Variants in AKAP8L observed in about 807,000 individuals in gnomAD.
AKAP8L encodes the protein A-kinase anchor protein 8-like.
AKAP8L carries 34 observed loss-of-function variants against 77.5 expected under a neutral mutation model. The ratio of observed to expected loss-of-function variants is 0.44; its 90% CI spans 0.33 to 0.58. The LOEUF (loss-of-function observed/expected upper bound fraction) is 0.58, where lower values mean the gene tolerates loss of function less well. Among genes scored for constraint, AKAP8L ranks in the 20% least tolerant of loss-of-function variants. The pLI, the probability that AKAP8L is intolerant of heterozygous loss-of-function variation, is 0.02. For synonymous variants in AKAP8L, 342 were observed against 340.7 expected, an observed-to-expected ratio of 1.00 and a Z score of -0.04; for missense variants, 806 against 887.6, an observed-to-expected ratio of 0.91 and a Z score of 1.17.
In AKAP8L at chr19:15,397,311, G is replaced by T. The variant is rs767806064; in HGVS notation, c.1406-31C>A. 6.2e-7 allele frequency: 1 copy of T among 1,613,020 alleles called. No homozygotes were observed. The highest frequency in any genetic ancestry group is 1.1e-5 in the South Asian group (1 of 91,060). On this transcript the variant is annotated intron_variant, in intron 11 of 13. Transcript: ENST00000397410. This position sits in a 1 kb window ranked among gnomAD's most constrained non-coding sequence, Gnocchi z 4.7. Reference sequence around the variant, plus strand: ...GTGGGGAGGAGGGAGTCACCACTGGGCCCAGGTGCCTAAGATAGACCCAGG... The same window carrying T: ...GTGGGGAGGAGGGAGTCACCACTGGTCCCAGGTGCCTAAGATAGACCCAGG...
At chr19:15,413,007 CT>C (rs1465891233) in intron 1 of AKAP8L, among the ~76,000 whole-genome samples, 4 of 152,254 alleles carry the variant, frequency 2.6e-5, no homozygotes, top group African/African-American at 7.2e-5. Context: ...TGCCTTCCCC[CT>C]GGGTAAGCGT....
At chr19:15,390,617 A>T (rs1967641153) in intron 12 of AKAP8L, among the ~76,000 whole-genome samples, 1 of 152,162 alleles carries the variant, frequency 6.6e-6, no homozygotes, top group African/African-American at 2.4e-5. Context: ...CCAGACAAAT[A>T]TATCACCAAA....
chr19:15,413,487 A>G (rs1968145439), intron 1 of AKAP8L, among the ~76,000 whole-genome samples: 1 of 152,176 alleles, frequency 6.6e-6, no homozygotes, highest in Non-Finnish European at 1.5e-5. Context: ...AACCGAGGGT[A>G]TACAGATCCA....
chr19:15,418,821 C>T (rs1785040466), intron 1 of AKAP8L, 90 bp downstream of exon 1: 2 of 1,393,092 alleles, frequency 1.4e-6, no homozygotes, highest in Admixed American at 3.7e-5. Flanking sequence ...TGACGGGGCC[C>T]CAGGGGAGGT....
At position 15,396,178 on chromosome 19, in the gene AKAP8L, T is replaced by C. The variant is rs80251276; in HGVS notation, c.1536+972A>G. 9.9e-3 allele frequency among the ~76,000 whole-genome samples: 1,507 copies of C among 151,966 alleles called. 22 individuals are homozygous for C. Among genetic ancestry groups the C allele is most frequent in the African/African-American group, 0.035 (1,460 of 41,440 alleles). On this transcript the variant is annotated intron_variant, in intron 12 of 13. Transcript: ENST00000397410. ...CACACCGAAAAAGACCAGAGAGGAA[T>C]TGTGATGAGCATGGAAGAAGATGGA...
rs1333297342 is a variant in AKAP8L, at chr19:15,403,487, G to A, written c.350C>T (p.Ser117Leu). Residue 117 changes from serine to leucine, a missense_variant, in exon 4 of 14, where the codon TCA becomes TTA. Transcript: ENST00000397410. The surrounding 1 kb of genome is among the most constrained non-coding windows in gnomAD (Gnocchi z 4.3). ...TDMMQGGVYG[S>L]GGERYDSYES... ...GGTGTCCACTCACCTTTCTCCACCTGAGCCGTACACGCCTCCTTGCATCAT... is the reference window on the plus strand; with the variant it reads ...GGTGTCCACTCACCTTTCTCCACCTAAGCCGTACACGCCTCCTTGCATCAT... 5 of 1,613,810 alleles carry A rather than the reference G, an allele frequency of 3.1e-6. No individual in the cohort carries two copies. Among genetic ancestry groups the A allele is most frequent in the East Asian group, 2.2e-5 (1 of 44,890 alleles).
intron 2 of AKAP8L, among the ~76,000 whole-genome samples, chr19:15,405,529 CAA>C (rs750339175): frequency 2.2e-5 from 3 of 138,014 alleles, no homozygotes. Context: ...AACTCCATTT[CAA>C]AAAAAAAAAA....
intron 12 of AKAP8L, among the ~76,000 whole-genome samples, chr19:15,396,248 A>G (rs1378926087): frequency 6.6e-6 from 1 of 152,078 alleles, no homozygotes; most frequent in Non-Finnish European, 1.5e-5. Context: ...ACATCTGTTC[A>G]TAAACCCCAC....
intron 7 of AKAP8L, 88 bp downstream of exon 7, chr19:15,400,706 C>A: frequency 6.8e-7 from 1 of 1,478,564 alleles, no homozygotes; most frequent in South Asian, 1.2e-5. Context: ...GCTGACACAG[C>A]ATTGCCTCTG....
rs534843065 is a variant in AKAP8L, at chr19:15,401,404, G to A, written c.562C>T (p.Arg188Trp). 7.4e-6 allele frequency: 12 copies of A among 1,613,120 alleles called. No homozygotes were observed. Among genetic ancestry groups the A allele is most frequent in the South Asian group, 4.4e-5 (4 of 91,074 alleles). Residue 188 changes from arginine (R) to tryptophan (W), a missense_variant, in exon 5 of 14, where the codon CGG becomes TGG. Arg to Trp is a moderately radical substitution (Grantham distance 101). Coordinates refer to ENST00000397410, the MANE Select transcript of AKAP8L (RefSeq NM_014371.4). The surrounding 1 kb of genome is among the most constrained non-coding windows in gnomAD (Gnocchi z 6.2). ...CCTGAGGCCATTGGCCGGCCGCTCC[G>A]GGCATCCCGGGCCCAGCCCTGTGCC... ...PRAQGWARDA[R>W]SGRPMASGYG...
intron 2 of AKAP8L, among the ~76,000 whole-genome samples, chr19:15,406,298 G>A (rs573366701): frequency 3.5e-5 from 5 of 143,740 alleles, no homozygotes; most frequent in Admixed American, 2.9e-4. Context: ...CTTTCTGAAA[G>A]AACACCCCAA....
Position 15,403,219 on chromosome 19 carries a change from T to G in AKAP8L, c.362+256A>C. 1 of 523,754 alleles carries G rather than the reference T, an allele frequency of 1.9e-6. No homozygotes were observed. The highest frequency in any genetic ancestry group is 3.5e-6 in the Non-Finnish European group (1 of 287,114). 32.4% of individuals were successfully genotyped at this position (523,754 alleles called of 1,614,324 possible). A position where few individuals can be genotyped will look rare whatever the true frequency, so the allele number is the denominator to read the frequency against. ...CTGTTTTTGAGGGCACAGTGAAGTC[T>G]GCCCAGTCTGGGCTTGTTCCTCTCA... is the stretch of plus-strand genomic sequence containing the variant. On this transcript the variant is annotated intron_variant, in intron 4 of 13. Transcript: ENST00000397410. This position sits in a 1 kb window ranked among gnomAD's most constrained non-coding sequence, Gnocchi z 4.3.
chr19:15,392,553 A>G (rs1455468012), intron 12 of AKAP8L, among the ~76,000 whole-genome samples: 1 of 152,068 alleles, frequency 6.6e-6, no homozygotes, highest in Non-Finnish European at 1.5e-5. Flanking sequence ...AAAAATATCA[A>G]GAAAACAATT....
At chr19:15,413,565 C>T (rs1229507243) in intron 1 of AKAP8L, among the ~76,000 whole-genome samples, 2 of 152,142 alleles carry the variant, frequency 1.3e-5, no homozygotes, top group East Asian at 3.9e-4. Context: ...GGGATCTGGA[C>T]CTTCCTGAGA....
Position 15,401,615 on chromosome 19 carries a change from T to C in AKAP8L, c.363-12A>G, listed in dbSNP as rs765491324. 10 of 1,558,348 alleles carry C rather than the reference T, an allele frequency of 6.4e-6. No homozygotes were observed. Among genetic ancestry groups the C allele is most frequent in the Non-Finnish European group, 8.7e-6 (10 of 1,151,768 alleles). ...CATAAGAGTCATACCTGCAGAGGCA[T>C]GGGGTGAGCATCAGGTGGAGCCCCT... is the stretch of plus-strand genomic sequence containing the variant. On this transcript the variant is annotated splice_polypyrimidine_tract_variant and intron_variant, in intron 4 of 13. Coordinates refer to ENST00000397410, the MANE Select transcript of AKAP8L (RefSeq NM_014371.4). The surrounding 1 kb of genome is among the most constrained non-coding windows in gnomAD (Gnocchi z 6.2).
intron 1 of AKAP8L, among the ~76,000 whole-genome samples, chr19:15,418,365 G>A (rs1221486164): frequency 6.6e-6 from 1 of 152,026 alleles, no homozygotes; most frequent in Non-Finnish European, 1.5e-5. Flanking sequence ...AAGGCTCCCC[G>A]CTCAGCCCAA....
Position 15,399,137 on chromosome 19 carries a change from C to A in AKAP8L, c.1157+165G>T. On this transcript the variant is annotated intron_variant, in intron 9 of 13. Transcript: ENST00000397410. The surrounding 1 kb of genome is among the most constrained non-coding windows in gnomAD (Gnocchi z 6.1). ...GCAGAGGGGCAGGGGATGAGTCAGG[C>A]CTTGGGAGCTGGGCCTGGCGGGAAG... The A allele has an allele frequency of 1.5e-6, 1 of 662,722 alleles. No homozygotes were observed. Among genetic ancestry groups the A allele is most frequent in the Non-Finnish European group, 2.6e-6 (1 of 382,192 alleles). The allele number at this position is 662,722 out of a possible 1,614,324, so 41.1% of individuals were successfully genotyped here.
rs778849830 is a variant in AKAP8L at position 15,410,560 on chromosome 19, C to G, written c.48G>C (p.Ser16=). The G allele has an allele frequency of 1.9e-6, 3 of 1,593,674 alleles. No individual in the cohort carries two copies. Among genetic ancestry groups the G allele is most frequent in the Non-Finnish European group, 2.6e-6 (3 of 1,170,180 alleles). The change falls in exon 2 of 14, where the codon TCG becomes TCC. Residue 16 remains serine, a synonymous_variant. Transcript: ENST00000397410. ...FVQGSETTLQ[S]TYSDTSAQPT... is the part of the protein sequence containing the mutation. ...GCTGAGCGCTGGTATCCGAGTATGT[C>G]GACTGCAAAGTGGTTTCAGATCCCT...
Position 15,397,440 on chromosome 19 carries a change from G to A in AKAP8L, c.1405+80C>T. 6.7e-7 allele frequency: 1 copy of A among 1,496,136 alleles called. No individual in the cohort carries two copies. The highest frequency in any genetic ancestry group is 9.2e-7 in the Non-Finnish European group (1 of 1,084,932). 92.7% of individuals were successfully genotyped at this position (1,496,136 alleles called of 1,614,324 possible). A position where few individuals can be genotyped will look rare whatever the true frequency, so the allele number is the denominator to read the frequency against. ...CCTGACCTTCCCTGGGGGAACAGAA[G>A]GGTGTCCTGACCCTGCACCGAAAAT... On this transcript the variant is annotated intron_variant, in intron 11 of 13. Transcript: ENST00000397410. This position sits in a 1 kb window ranked among gnomAD's most constrained non-coding sequence, Gnocchi z 4.7.
Sources: gnomAD v4.1 joint callset for allele counts (sites outside exome capture counted in the v4.1 genomes callset) on GRCh38, gnomAD v4.1.1 for gene constraint, Gnocchi (gnomAD v3.1) non-coding constraint, MANE v1.5 for transcripts, NCBI Gene and HGNC (gene_info 2026-07-23, HGNC 2026-07-21) for gene names.